Variants in MMAA observed in about 807,000 individuals in gnomAD.
MMAA encodes metabolism of cobalamin associated A.
Under a neutral mutation model 45.0 loss-of-function variants are expected in MMAA, and 41 were observed. The observed-to-expected ratio is 0.91, with a 90% CI of 0.71 to 1.18. The LOEUF (loss-of-function observed/expected upper bound fraction) is 1.18. MMAA is among the 50% of genes most tolerant of loss of function. The pLI is 0.00. For missense variants in MMAA, 460 were observed against 495.7 expected (o/e 0.93, Z 0.68); for synonymous variants, 154 against 178.2 (o/e 0.86, Z 1.08).
chr4:145,636,579 T>C (rs374325887), intron 1 of MMAA, among the ~76,000 whole-genome samples: 14 of 152,340 alleles, frequency 9.2e-5, no homozygotes, highest in African/African-American at 3.4e-4. Context: ...TAATTTTCTC[T>C]GAGATGACAG....
At chr4:145,642,664 C>T (rs1041360158) in intron 3 of MMAA, 179 bp downstream of exon 3, 5 of 830,020 alleles carry the variant, frequency 6.0e-6, no homozygotes, top group Middle Eastern at 3.4e-4. Flanking sequence ...TGTTGTACTC[C>T]TCAGAGGAGG....
intron 1 of MMAA, chr4:145,624,814 C>T (rs1734166489): frequency 1.9e-6 from 3 of 1,607,478 alleles, no homozygotes; most frequent in Non-Finnish European, 1.7e-6. Context: ...GCTCTGCACA[C>T]CTCCTCTACC....
intron 1 of MMAA, among the ~76,000 whole-genome samples, chr4:145,632,245 T>C (rs1727465911): frequency 6.6e-6 from 1 of 152,208 alleles, no homozygotes; most frequent in Admixed American, 6.5e-5. Context: ...TTCTCCTTCA[T>C]GTTTGGATAT....
At chr4:145,654,560 T>C (rs574778334) in intron 6 of MMAA, among the ~76,000 whole-genome samples, 1 of 152,370 alleles carries the variant, frequency 6.6e-6, no homozygotes, top group Admixed American at 6.5e-5. Flanking sequence ...GATGTGGTCA[T>C]CTTTATCTGT....
chr4:145,638,567 G>A (rs1359369626), intron 1 of MMAA, among the ~76,000 whole-genome samples: 1 of 152,186 alleles, frequency 6.6e-6, no homozygotes, highest in Non-Finnish European at 1.5e-5. Flanking sequence ...ATACATCTGT[G>A]TTCAAGGATG....
chr4:145,626,927 A>G (rs1368444853), intron 1 of MMAA, among the ~76,000 whole-genome samples: 2 of 152,234 alleles, frequency 1.3e-5, no homozygotes, highest in Non-Finnish European at 2.9e-5. Flanking sequence ...CCAGAATTAC[A>G]TACATCTGGA....
intron 4 of MMAA, among the ~76,000 whole-genome samples, chr4:145,647,753 C>G (rs1232468280): frequency 1.3e-5 from 2 of 152,206 alleles, no homozygotes; most frequent in Non-Finnish European, 2.9e-5. Context: ...GATTAAGGCC[C>G]TACCCTTATG....
intron 4 of MMAA, among the ~76,000 whole-genome samples, chr4:145,648,108 C>G (rs922748922): frequency 6.7e-6 from 1 of 150,006 alleles, no homozygotes; most frequent in Non-Finnish European, 1.5e-5. Flanking sequence ...ATCCGCCTGC[C>G]TCAGCCTCCC....
chr4:145,633,372 AT>A (rs1727518255), intron 1 of MMAA, among the ~76,000 whole-genome samples: 2 of 150,412 alleles, frequency 1.3e-5, no homozygotes, highest in Admixed American at 1.3e-4. Flanking sequence ...TAATTTTTGT[AT>A]TTTTAGTAGA....
At chr4:145,632,511 A>T (rs376919569) in intron 1 of MMAA, among the ~76,000 whole-genome samples, 2 of 152,122 alleles carry the variant, frequency 1.3e-5, no homozygotes, top group East Asian at 3.9e-4. Context: ...GGTGATCTGT[A>T]AACTTCTTGT....
intron 2 of MMAA, chr4:145,639,875 A>C: frequency 1.8e-5 from 17 of 970,258 alleles, no homozygotes; most frequent in Non-Finnish European, 2.1e-5. Context: ...TAGTGAGTTT[A>C]CTCCTTTTTC....
intron 1 of MMAA, among the ~76,000 whole-genome samples, chr4:145,631,983 T>C (rs1344296261): frequency 6.6e-6 from 1 of 152,226 alleles, no homozygotes; most frequent in Non-Finnish European, 1.5e-5. Flanking sequence ...CATATATTAC[T>C]GTCTTGAAAA....
At chr4:145,637,638 C>T (rs1030608361) in intron 1 of MMAA, among the ~76,000 whole-genome samples, 1 of 152,108 alleles carries the variant, frequency 6.6e-6, no homozygotes, top group Admixed American at 6.5e-5. Flanking sequence ...TAATTTATTC[C>T]ACCATGCCAC....
At chr4:145,646,314 A>T (rs1052393023) in intron 4 of MMAA, 158 bp downstream of exon 4, 5 of 823,360 alleles carry the variant, frequency 6.1e-6, no homozygotes, top group Admixed American at 2.6e-5. Flanking sequence ...TGTATAGGTT[A>T]TAATCTTTAC....
At chr4:145,643,995 C>G (rs1375732721) in intron 3 of MMAA, among the ~76,000 whole-genome samples, 1 of 152,088 alleles carries the variant, frequency 6.6e-6, no homozygotes, top group Non-Finnish European at 1.5e-5. Flanking sequence ...AGACAAAACA[C>G]TATGAATATA....
At chr4:145,624,491 T>C in intron 1 of MMAA, 1 of 969,274 alleles carries the variant, frequency 1.0e-6, no homozygotes, top group South Asian at 1.4e-5. Flanking sequence ...GACTTCCTTC[T>C]TTGTATGGGG....
chr4:145,642,895 A>G (rs1238255887), intron 3 of MMAA: 3 of 249,918 alleles, frequency 1.2e-5, no homozygotes, highest in Non-Finnish European at 2.4e-5. Flanking sequence ...ACATCTCTTA[A>G]GCTTTAGAAA....
intron 1 of MMAA, among the ~76,000 whole-genome samples, chr4:145,631,305 G>A (rs1727421925): frequency 6.6e-6 from 1 of 152,132 alleles, no homozygotes; most frequent in African/African-American, 2.4e-5. Flanking sequence ...AATAATATTT[G>A]CTCTGTATAT....
chr4:145,642,203 CAG>C (rs778191964), intron 2 of MMAA, 158 bp from the exon 3 acceptor site: 22 of 819,840 alleles, frequency 2.7e-5, no homozygotes, highest in Admixed American at 7.1e-5. Context: ...ATTAAAGAAA[CAG>C]ATTTTTATTT....
Sources: gnomAD v4.1 joint callset for allele counts (sites outside exome capture counted in the v4.1 genomes callset) on GRCh38, gnomAD v4.1.1 for gene constraint, MANE v1.5 for transcripts, NCBI Gene and HGNC (gene_info 2026-07-23, HGNC 2026-07-21) for gene names.